ZBTB16: variants seen among roughly 807,000 people sequenced by gnomAD.
ZBTB16 encodes the protein zinc finger and BTB domain containing 16, also known as zinc finger and BTB domain-containing protein 16.
ZBTB16 carries 8 observed loss-of-function variants against 56.8 expected under a neutral mutation model. The observed-to-expected ratio is 0.14, with a 90% CI of 0.08 to 0.25. The LOEUF (loss-of-function observed/expected upper bound fraction) is 0.25, where lower values mean the gene tolerates loss of function less well. Among genes scored for constraint, ZBTB16 ranks in the 10% least tolerant of loss-of-function variants. The pLI, the probability that ZBTB16 is intolerant of heterozygous loss-of-function variation, is 1.00. For synonymous variants in ZBTB16, 363 were observed against 368.5 expected (o/e 0.98, Z 0.17); for missense variants, 625 against 903.0 (o/e 0.69, Z 3.95).
chr11:114,244,574 G>A (rs2135205000), intron 5 of ZBTB16, among the ~76,000 whole-genome samples: 1 of 152,250 alleles, frequency 6.6e-6, no homozygotes, highest in African/African-American at 2.4e-5. Flanking sequence ...CACGCCAGGT[G>A]CACACCGTGC....
At chr11:114,117,674 G>A (rs1296135920) in intron 2 of ZBTB16, among the ~76,000 whole-genome samples, 1 of 152,118 alleles carries the variant, frequency 6.6e-6, no homozygotes, top group Non-Finnish European at 1.5e-5. Flanking sequence ...AGGAGGTCTT[G>A]GAAAAACTAT....
intron 1 of ZBTB16, among the ~76,000 whole-genome samples, chr11:114,061,018 C>T (rs1938829767): frequency 6.6e-6 from 1 of 152,214 alleles, no homozygotes; most frequent in South Asian, 2.1e-4. Flanking sequence ...CGCCGTTCCT[C>T]CCCGTCTCTT....
intron 2 of ZBTB16, among the ~76,000 whole-genome samples, chr11:114,124,791 T>G (rs768798439): frequency 4.6e-5 from 7 of 152,190 alleles, no homozygotes; most frequent in Non-Finnish European, 8.8e-5. Flanking sequence ...AGCCTCTCAC[T>G]TGCTCTCATT....
At chr11:114,225,865 T>C (rs1358589138) in intron 4 of ZBTB16, among the ~76,000 whole-genome samples, 1 of 152,224 alleles carries the variant, frequency 6.6e-6, no homozygotes. Flanking sequence ...GACACTGTGA[T>C]AGACATTGTT....
intron 4 of ZBTB16, among the ~76,000 whole-genome samples, chr11:114,236,425 G>A (rs921332639): frequency 4.6e-5 from 7 of 152,132 alleles, no homozygotes; most frequent in African/African-American, 1.7e-4. Context: ...TGTATAATAT[G>A]GCAAAACTGA....
chr11:114,233,044 C>T (rs1252078258), intron 4 of ZBTB16, among the ~76,000 whole-genome samples: 1 of 150,698 alleles, frequency 6.6e-6, no homozygotes, highest in Non-Finnish European at 1.5e-5. Flanking sequence ...CCCGGCCCCA[C>T]CCACTCTACT....
At chr11:114,116,739 G>C (rs923707250) in intron 2 of ZBTB16, among the ~76,000 whole-genome samples, 1 of 152,210 alleles carries the variant, frequency 6.6e-6, no homozygotes, top group Non-Finnish European at 1.5e-5. Context: ...AATAAAACAT[G>C]TTCCCTAAGA....
chr11:114,206,548 G>A (rs1020360484), intron 4 of ZBTB16, among the ~76,000 whole-genome samples: 1 of 152,198 alleles, frequency 6.6e-6, no homozygotes, highest in African/African-American at 2.4e-5. Context: ...CTCTGTATGG[G>A]CCTGAGGAGC....
intron 4 of ZBTB16, among the ~76,000 whole-genome samples, chr11:114,217,318 T>C (rs1281742850): frequency 6.6e-6 from 1 of 152,162 alleles, no homozygotes; most frequent in Admixed American, 6.5e-5. Context: ...CTGGTGGTTC[T>C]GTGCAGGTGA....
At chr11:114,150,362 T>C (rs1410455901) in intron 2 of ZBTB16, among the ~76,000 whole-genome samples, 1 of 152,112 alleles carries the variant, frequency 6.6e-6, no homozygotes, top group East Asian at 1.9e-4. Flanking sequence ...AGTCTGGGCG[T>C]GGTGGCTCAT....
At chr11:114,067,262 C>T (rs1444416685) in intron 2 of ZBTB16, among the ~76,000 whole-genome samples, 3 of 152,132 alleles carry the variant, frequency 2.0e-5, no homozygotes, top group Non-Finnish European at 4.4e-5. Context: ...TGTGTAGTGT[C>T]CACAGTGCCA....
chr11:114,096,682 C>A (rs887371220), intron 2 of ZBTB16, among the ~76,000 whole-genome samples: 2 of 152,212 alleles, frequency 1.3e-5, no homozygotes, highest in African/African-American at 4.8e-5. Flanking sequence ...TGAACTAAAA[C>A]TGCTCACCCC....
At chr11:114,119,254 A>AACT (rs948087445) in intron 2 of ZBTB16, among the ~76,000 whole-genome samples, 1 of 122,160 alleles carries the variant, frequency 8.2e-6, no homozygotes, top group African/African-American at 3.2e-5. Flanking sequence ...GAGAGAGTGA[A>AACT]ACTCTGTCTC....
In ZBTB16 at chr11:114,250,649, G is replaced by C. The variant is rs925197374; in HGVS notation, c.*94G>C. On this transcript the variant is annotated 3_prime_UTR_variant, in exon 7 of 7. Coordinates refer to ENST00000335953, the MANE Select transcript of ZBTB16 (RefSeq NM_006006.6). This position sits in a 1 kb window ranked among gnomAD's most constrained non-coding sequence, Gnocchi z 6.0. ...GACTATGACAAATAAAAAAGGAAAA[G>C]AAAAAAAAAAACAGAAGGAAAAGGA... is the stretch of plus-strand genomic sequence containing the variant. The C allele has an allele frequency of 1.3e-4, 134 of 1,004,358 alleles. No individual in the cohort carries two copies. Among genetic ancestry groups the C allele is most frequent in the Middle Eastern group, 2.4e-4 (1 of 4,100 alleles). 62.2% of individuals were successfully genotyped at this position (1,004,358 alleles called of 1,614,324 possible). A position where few individuals can be genotyped will look rare whatever the true frequency, so the allele number is the denominator to read the frequency against.
chr11:114,158,870 C>A (rs2134966270), intron 3 of ZBTB16, among the ~76,000 whole-genome samples: 1 of 152,338 alleles, frequency 6.6e-6, no homozygotes, highest in East Asian at 1.9e-4. Flanking sequence ...AATGATGCAG[C>A]CTGGGATGCC....
intron 2 of ZBTB16, among the ~76,000 whole-genome samples, chr11:114,148,440 T>TGTCC (rs760556145): frequency 0.062 from 5,538 of 89,774 alleles, 1,300 homozygotes; most frequent in Middle Eastern, 0.096. Context: ...TCTCTCTTTC[T>TGTCC]CTCTCTCTGT....
intron 2 of ZBTB16, among the ~76,000 whole-genome samples, chr11:114,067,723 C>A (rs1591634991): frequency 6.6e-6 from 1 of 152,068 alleles, no homozygotes; most frequent in African/African-American, 2.4e-5. Context: ...GTGCTTTTGA[C>A]TGAGGGTGGA....
chr11:114,155,712 C>G (rs557640316), intron 2 of ZBTB16, among the ~76,000 whole-genome samples: 1 of 152,314 alleles, frequency 6.6e-6, no homozygotes, highest in South Asian at 2.1e-4. Context: ...GAAGACACTT[C>G]TAAAGCTGGG....
intron 4 of ZBTB16, among the ~76,000 whole-genome samples, chr11:114,219,167 G>A (rs1944172280): frequency 6.6e-6 from 1 of 152,156 alleles, no homozygotes; most frequent in Non-Finnish European, 1.5e-5. Context: ...ACAGTAGGGA[G>A]GCATCATGTG....
Sources: allele counts gnomAD v4.1 joint callset (sites outside exome capture counted in the v4.1 genomes callset), GRCh38; gene constraint gnomAD v4.1.1; non-coding constraint Gnocchi (gnomAD v3.1); transcripts MANE v1.5; gene names NCBI Gene and HGNC (gene_info 2026-07-23, HGNC 2026-07-21).